Variants in TAFA1 observed in about 807,000 individuals in gnomAD.
TAFA1 encodes the protein TAFA chemokine like family member 1, also known as chemokine-like protein TAFA-1.
TAFA1 carries 4 observed loss-of-function variants against 18.5 expected under a neutral mutation model. That is an observed-to-expected ratio of 0.22 (90% confidence interval 0.11 to 0.49). The LOEUF (loss-of-function observed/expected upper bound fraction) is 0.49, where lower values mean the gene tolerates loss of function less well. Ranked by LOEUF, TAFA1 falls within the 20% of genes least tolerant of loss-of-function variation. The pLI is 0.98. For synonymous variants in TAFA1, 56 were observed against 55.2 expected, an observed-to-expected ratio of 1.01 and a Z score of -0.06; for missense variants, 147 against 169.0, an observed-to-expected ratio of 0.87 and a Z score of 0.72.
chr3:68,215,878 A>G (rs1433422082), intron 2 of TAFA1, among the ~76,000 whole-genome samples: 1 of 152,088 alleles, frequency 6.6e-6, no homozygotes, highest in Non-Finnish European at 1.5e-5. Flanking sequence ...TAGTGGCTTT[A>G]TTCATAAACA....
chr3:68,038,485 C>T (rs1705098724), intron 2 of TAFA1, among the ~76,000 whole-genome samples: 1 of 152,124 alleles, frequency 6.6e-6, no homozygotes, highest in Admixed American at 6.6e-5. Flanking sequence ...AAGCCACGTT[C>T]CTCTCTGCTC....
intron 2 of TAFA1, among the ~76,000 whole-genome samples, chr3:68,171,996 T>C (rs999904318): frequency 6.6e-6 from 1 of 152,014 alleles, no homozygotes; most frequent in Non-Finnish European, 1.5e-5. Flanking sequence ...ATATAGATGA[T>C]TGAGTCTAGA....
intron 2 of TAFA1, among the ~76,000 whole-genome samples, chr3:68,393,974 C>A (rs2070320806): frequency 6.6e-6 from 1 of 152,212 alleles, no homozygotes; most frequent in African/African-American, 2.4e-5. Context: ...TGCCCTCTCT[C>A]ACCACTCCTA....
At chr3:68,276,966 C>T (rs1394216455) in intron 2 of TAFA1, among the ~76,000 whole-genome samples, 1 of 151,968 alleles carries the variant, frequency 6.6e-6, no homozygotes, top group Non-Finnish European at 1.5e-5. Flanking sequence ...GTCAAGTATA[C>T]AAGAGGAAAT....
At position 68,084,568 on chromosome 3, in the gene TAFA1, C is replaced by T. The variant is rs140860154; in HGVS notation, c.118+77824C>T. 6.7e-3 allele frequency among the ~76,000 whole-genome samples: 1,019 copies of T among 152,114 alleles called. 10 individuals are homozygous for T. Among genetic ancestry groups the T allele is most frequent in the African/African-American group, 0.024 (976 of 41,506 alleles). Reference sequence around the variant, plus strand: ...ATCGCAGTAGTTTAGGAGGCTGAGGCGGGTGGATCACCTGAGGTCAGGAGT... The same window carrying T: ...ATCGCAGTAGTTTAGGAGGCTGAGGTGGGTGGATCACCTGAGGTCAGGAGT... On this transcript the variant is annotated intron_variant, in intron 2 of 4. Coordinates refer to ENST00000478136, the MANE Select transcript of TAFA1 (RefSeq NM_213609.4).
chr3:68,183,562 T>C (rs1245161265), intron 2 of TAFA1, among the ~76,000 whole-genome samples: 2 of 152,166 alleles, frequency 1.3e-5, no homozygotes, highest in African/African-American at 4.8e-5. Flanking sequence ...TGTATATCTT[T>C]TCTTATTATT....
At chr3:68,390,846 A>C (rs2070224179) in intron 2 of TAFA1, among the ~76,000 whole-genome samples, 1 of 152,244 alleles carries the variant, frequency 6.6e-6, no homozygotes, top group South Asian at 2.1e-4. Flanking sequence ...CAGAAACTGC[A>C]TCTGAAGGTC....
chr3:68,216,537 G>T lies in TAFA1; in HGVS notation c.119-200743G>T, dbSNP rs868207857. Among the ~76,000 whole-genome samples, 5 of 152,170 alleles carry T rather than the reference G, an allele frequency of 3.3e-5. No individual in the cohort carries two copies. In the South Asian group the frequency reaches 1.0e-3, roughly 32 times the overall value. ...TAAAGTTGTATTCCACAAAAGCATG[G>T]GTTAAATGTGTATATATGCGGCATT... On this transcript the variant is annotated intron_variant, in intron 2 of 4. Coordinates refer to ENST00000478136, the MANE Select transcript of TAFA1 (RefSeq NM_213609.4).
chr3:68,516,788 T>C (rs1191069453), intron 3 of TAFA1, among the ~76,000 whole-genome samples: 1 of 152,190 alleles, frequency 6.6e-6, no homozygotes, highest in Admixed American at 6.5e-5. Flanking sequence ...TCCTTCTTTT[T>C]TTTTGAGATG....
intron 3 of TAFA1, among the ~76,000 whole-genome samples, chr3:68,500,793 C>T (rs1370661957): frequency 6.6e-6 from 1 of 151,950 alleles, no homozygotes; most frequent in Non-Finnish European, 1.5e-5. Context: ...TGAAGGCACA[C>T]CCCCACTTCA....
At chr3:68,436,874 G>C (rs1406678421) in intron 3 of TAFA1, among the ~76,000 whole-genome samples, 1 of 152,172 alleles carries the variant, frequency 6.6e-6, no homozygotes, top group African/African-American at 2.4e-5. Context: ...AACAGATACA[G>C]CCAGCTCCAC....
intron 2 of TAFA1, among the ~76,000 whole-genome samples, chr3:68,195,784 ATTTTCTT>A (rs1170858497): frequency 6.6e-5 from 10 of 151,332 alleles, no homozygotes; most frequent in East Asian, 2.0e-4. Flanking sequence ...ATAATATAAT[ATTTTCTT>A]TTTTCTTTTT....
chr3:68,332,030 A>G (rs1468974220), intron 2 of TAFA1, among the ~76,000 whole-genome samples: 1 of 151,320 alleles, frequency 6.6e-6, no homozygotes, highest in Non-Finnish European at 1.5e-5. Context: ...CACCCTGCCA[A>G]TTTTTTGTGT....
At chr3:68,513,558 T>A (rs2072879977) in intron 3 of TAFA1, among the ~76,000 whole-genome samples, 1 of 152,164 alleles carries the variant, frequency 6.6e-6, no homozygotes. Context: ...TCCATATCTT[T>A]TCTGTGGATG....
chr3:68,223,392 TC>T (rs1397657114), intron 2 of TAFA1, among the ~76,000 whole-genome samples: 1 of 152,204 alleles, frequency 6.6e-6, no homozygotes, highest in Admixed American at 6.5e-5. Flanking sequence ...TTCAATAGTA[TC>T]ACTGAATATT....
chr3:68,286,473 G>T lies in TAFA1; in HGVS notation c.119-130807G>T, dbSNP rs2068009508. ...TCAGATCAGGAAAATATTTGGAATG[G>T]ACAAAAAGAGCTAGCAGAAGCCAAG... On this transcript the variant is annotated intron_variant, in intron 2 of 4. Transcript: ENST00000478136. Among the ~76,000 whole-genome samples, 3 of 151,886 alleles carry T rather than the reference G, an allele frequency of 2.0e-5. No homozygotes were observed. In the South Asian group the frequency reaches 6.2e-4, roughly 32 times the overall value.
intron 3 of TAFA1, among the ~76,000 whole-genome samples, chr3:68,460,657 C>G (rs1316630796): frequency 1.3e-5 from 2 of 152,174 alleles, no homozygotes; most frequent in Non-Finnish European, 2.9e-5. Context: ...AGTGAATATT[C>G]ACCTACATAG....
chr3:68,273,023 G>T (rs1575735825), intron 2 of TAFA1, among the ~76,000 whole-genome samples: 1 of 151,792 alleles, frequency 6.6e-6, no homozygotes, highest in Non-Finnish European at 1.5e-5. Flanking sequence ...TGGTGGTGGT[G>T]GGGGGGAATA....
intron 2 of TAFA1, among the ~76,000 whole-genome samples, chr3:68,119,090 T>A (rs1200671740): frequency 2.0e-5 from 3 of 151,794 alleles, no homozygotes; most frequent in Admixed American, 6.6e-5. Flanking sequence ...TAAGGTAGTA[T>A]CTCATTATGA....
Sources: gnomAD v4.1 joint callset for allele counts (sites outside exome capture counted in the v4.1 genomes callset) on GRCh38, gnomAD v4.1.1 for gene constraint, MANE v1.5 for transcripts, NCBI Gene and HGNC (gene_info 2026-07-23, HGNC 2026-07-21) for gene names.